Variants in PLXDC2 observed in about 807,000 individuals in gnomAD.
The protein encoded by PLXDC2 is plexin domain-containing protein 2.
Under a neutral mutation model 68.9 loss-of-function variants are expected in PLXDC2, and 40 were observed. The observed-to-expected ratio is 0.58, with a 90% confidence interval of 0.45 to 0.76. The LOEUF is 0.76. PLXDC2 is among the 30% of genes least tolerant of loss of function. PLXDC2 has a pLI of 0.00. For synonymous variants in PLXDC2, 243 were observed against 234.2 expected (o/e 1.04, Z -0.34); for missense variants, 644 against 661.9 (o/e 0.97, Z 0.30).
chr10:19,992,569 A>G (rs80195668), intron 1 of PLXDC2, among the ~76,000 whole-genome samples: 2,945 of 152,310 alleles, frequency 0.019, 44 homozygotes, highest in Middle Eastern at 0.051. Context: ...ACAGTATAAC[A>G]AGTGCTAAAA....
intron 9 of PLXDC2, among the ~76,000 whole-genome samples, chr10:20,195,279 A>G (rs1834822497): frequency 6.6e-6 from 1 of 152,090 alleles, no homozygotes; most frequent in Non-Finnish European, 1.5e-5. Flanking sequence ...TGAACTCTGG[A>G]CAGAGCTCGA....
intron 1 of PLXDC2, among the ~76,000 whole-genome samples, chr10:19,863,793 G>T (rs1332283986): frequency 6.9e-6 from 1 of 144,392 alleles, no homozygotes; most frequent in Non-Finnish European, 1.5e-5. Context: ...TTTTTTTCTT[G>T]GAAGTTGTAG....
intron 2 of PLXDC2, among the ~76,000 whole-genome samples, chr10:20,034,124 T>C (rs1429882674): frequency 2.6e-5 from 4 of 152,188 alleles, no homozygotes; most frequent in African/African-American, 9.7e-5. Flanking sequence ...TTTTACCATT[T>C]TGAAATATTA....
At chr10:20,243,605 T>C (rs1835547853) in intron 12 of PLXDC2, among the ~76,000 whole-genome samples, 1 of 152,198 alleles carries the variant, frequency 6.6e-6, no homozygotes. Flanking sequence ...CGTCAGTTCA[T>C]GTGGACCACA....
intron 1 of PLXDC2, among the ~76,000 whole-genome samples, chr10:19,932,101 T>C (rs1426604744): frequency 6.6e-6 from 1 of 152,154 alleles, no homozygotes; most frequent in African/African-American, 2.4e-5. Flanking sequence ...TCCCAGTAGG[T>C]CCTAGGTCAA....
intron 1 of PLXDC2, among the ~76,000 whole-genome samples, chr10:19,984,513 G>C (rs1834603670): frequency 6.6e-6 from 1 of 152,206 alleles, no homozygotes; most frequent in Non-Finnish European, 1.5e-5. Context: ...AAATGTAAGA[G>C]AAAATTACAT....
chr10:19,966,485 A>G (rs774662723), intron 1 of PLXDC2, among the ~76,000 whole-genome samples: 14 of 70,826 alleles, frequency 2.0e-4, no homozygotes, highest in Non-Finnish European at 1.7e-4. Context: ...GAGTAGACCA[A>G]TGCAGCTGTA....
At chr10:19,860,643 A>G (rs1837301535) in intron 1 of PLXDC2, among the ~76,000 whole-genome samples, 1 of 152,206 alleles carries the variant, frequency 6.6e-6, no homozygotes, top group Non-Finnish European at 1.5e-5. Context: ...TGTTTTGTTC[A>G]TCATCAATAA....
At chr10:20,220,460 G>A (rs1007382178) in intron 12 of PLXDC2, among the ~76,000 whole-genome samples, 1 of 152,032 alleles carries the variant, frequency 6.6e-6, no homozygotes, top group African/African-American at 2.4e-5. Context: ...ATATTTATTA[G>A]ATTTTTTTCT....
chr10:19,866,289 G>A (rs543602981), intron 1 of PLXDC2, among the ~76,000 whole-genome samples: 2 of 152,236 alleles, frequency 1.3e-5, no homozygotes, highest in East Asian at 1.9e-4. Flanking sequence ...ATTCCTTCTG[G>A]AAGCTCTAGG....
rs187248350 is a variant in PLXDC2 at position 20,046,471 on chromosome 10, C to T, written c.325-398C>T. On this transcript the variant is annotated intron_variant, in intron 2 of 13. Transcript: ENST00000377252. ...CACAAGGCAAAATCAATTTAGAATACTGCATAGAATATTCTTTTCCTTTTT... is the reference window on the plus strand; with the variant it reads ...CACAAGGCAAAATCAATTTAGAATATTGCATAGAATATTCTTTTCCTTTTT... Among the ~76,000 whole-genome samples, 221 of 152,178 alleles carry T rather than the reference C, an allele frequency of 1.5e-3. 2 individuals are homozygous for T. The highest frequency in any genetic ancestry group is 0.013 in the Admixed American group (191 of 15,262).
chr10:20,227,355 A>G (rs1210865077), intron 12 of PLXDC2, among the ~76,000 whole-genome samples: 1 of 152,212 alleles, frequency 6.6e-6, no homozygotes, highest in East Asian at 1.9e-4. Flanking sequence ...TATCTAAACA[A>G]AAATGAAATT....
chr10:19,870,437 A>AT (rs1564614735), intron 1 of PLXDC2, among the ~76,000 whole-genome samples: 1 of 141,302 alleles, frequency 7.1e-6, no homozygotes, highest in Non-Finnish European at 1.6e-5. Flanking sequence ...TTTTTTTTTT[A>AT]TTTTTTGAGA....
At chr10:20,152,109 C>T (rs753398304) in intron 6 of PLXDC2, among the ~76,000 whole-genome samples, 3 of 152,040 alleles carry the variant, frequency 2.0e-5, no homozygotes, top group Non-Finnish European at 2.9e-5. Context: ...ACATGACCTC[C>T]AATCCTTTCA....
intron 12 of PLXDC2, among the ~76,000 whole-genome samples, chr10:20,228,523 C>T (rs1187544011): frequency 6.6e-6 from 1 of 151,442 alleles, no homozygotes; most frequent in Non-Finnish European, 1.5e-5. Flanking sequence ...GATTGCACCA[C>T]TGCACTCCAG....
intron 12 of PLXDC2, among the ~76,000 whole-genome samples, chr10:20,225,813 A>T (rs1472429096): frequency 3.3e-5 from 5 of 151,686 alleles, no homozygotes; most frequent in Admixed American, 6.6e-5. Flanking sequence ...CTGAGCACCA[A>T]TTTTTTTTTA....
chr10:19,880,645 T>C (rs1398099115), intron 1 of PLXDC2, among the ~76,000 whole-genome samples: 1 of 152,210 alleles, frequency 6.6e-6, no homozygotes, highest in Non-Finnish European at 1.5e-5. Context: ...TATTTTGGAA[T>C]TTTCTATGAA....
chr10:20,128,849 G>T (rs1380412290), intron 4 of PLXDC2, among the ~76,000 whole-genome samples: 1 of 152,030 alleles, frequency 6.6e-6, no homozygotes, highest in Non-Finnish European at 1.5e-5. Context: ...ATTCCATTTT[G>T]TACCTATACC....
intron 12 of PLXDC2, among the ~76,000 whole-genome samples, chr10:20,238,942 C>T (rs533143425): frequency 8.6e-5 from 13 of 151,572 alleles, no homozygotes; most frequent in Non-Finnish European, 1.5e-4. Flanking sequence ...TATTGATTTT[C>T]TCTGCTTCAT....
Sources: gnomAD v4.1 joint callset for allele counts (sites outside exome capture counted in the v4.1 genomes callset) on GRCh38, gnomAD v4.1.1 for gene constraint, MANE v1.5 for transcripts, NCBI Gene and HGNC (gene_info 2026-07-23, HGNC 2026-07-21) for gene names.